MAP3K13: variants seen among roughly 807,000 people sequenced by gnomAD.
The protein encoded by MAP3K13 is leucine zipper-bearing kinase.
In MAP3K13, 52 loss-of-function variants were observed where a neutral mutation model predicts 104.0. That is an observed-to-expected ratio of 0.50 (90% CI 0.40 to 0.63). MAP3K13 has a LOEUF of 0.63. Among genes scored for constraint, MAP3K13 ranks in the 20% least tolerant of loss-of-function variants. The pLI is 0.00. For synonymous variants in MAP3K13, 394 were observed against 442.2 expected, an observed-to-expected ratio of 0.89 and a Z score of 1.37; for missense variants, 914 against 1,218.5, an observed-to-expected ratio of 0.75 and a Z score of 3.72.
In MAP3K13 at chr3:185,428,891, A is replaced by G; in HGVS notation, c.310A>G (p.Thr104Ala). The change falls in exon 2 of 14, where the codon ACG becomes GCG. Residue 104 changes from threonine (T) to alanine (A), a missense_variant. By Grantham distance (58) the Thr-to-Ala change is moderately conservative. Transcript: ENST00000265026. ...GGCGGTGTCTCAGGGGAACAGCAACACGGTGGACGGAGAGAGCACAAGCGG... is the reference window on the plus strand; with the variant it reads ...GGCGGTGTCTCAGGGGAACAGCAACGCGGTGGACGGAGAGAGCACAAGCGG... ...ETAVSQGNSN[T>A]VDGESTSGTE... 6.2e-7 allele frequency: 1 copy of G among 1,614,186 alleles called. No individual in the cohort carries two copies. Among genetic ancestry groups the G allele is most frequent in the Non-Finnish European group, 8.5e-7 (1 of 1,180,030 alleles).
rs537264280 is a variant in MAP3K13 at position 185,292,541 on chromosome 3, C to T, written c.-86+6898C>T. The T allele has an allele frequency of 9.7e-5, 52 of 535,410 alleles. No homozygotes were observed. In the South Asian group the frequency reaches 1.2e-3, roughly 12 times the overall value. 33.2% of individuals were successfully genotyped at this position (535,410 alleles called of 1,614,324 possible). A position where few individuals can be genotyped will look rare whatever the true frequency, so the allele number is the denominator to read the frequency against. On this transcript the variant is annotated intron_variant, in intron 2 of 14. Transcript: ENST00000424227. ...TAAAGTGAATCTAACATTTTCCCCC[C>T]GGCCTACCTCACAGGGTTGTTGTGA...
At chr3:185,465,674 TTCTTATTTCATCAAGCG>T in intron 8 of MAP3K13, 56 bp from the exon 9 acceptor site, 1 of 989,064 alleles carries the variant, frequency 1.0e-6, no homozygotes, top group East Asian at 2.4e-5. Flanking sequence ...ATCATCCTGT[TTCTTATTTCATCAAGCG>T]GACTTTTTTC....
chr3:185,468,542 C>G (rs1490446163), intron 10 of MAP3K13, among the ~76,000 whole-genome samples: 2 of 152,062 alleles, frequency 1.3e-5, no homozygotes, highest in Non-Finnish European at 1.5e-5. Flanking sequence ...AAGGAAGGTC[C>G]CTAAACCTAG....
intron 1 of MAP3K13, among the ~76,000 whole-genome samples, chr3:185,382,239 A>G (rs1394102676): frequency 3.9e-5 from 6 of 152,224 alleles, no homozygotes; most frequent in African/African-American, 1.4e-4. Context: ...ACATAGAAAA[A>G]TTATAACAAT....
In MAP3K13 at chr3:185,428,539, C is replaced by A. The variant is rs1280443077; in HGVS notation, c.-43C>A. On this transcript the variant is annotated 5_prime_UTR_variant, in exon 2 of 14. Coordinates refer to ENST00000265026, the MANE Select transcript of MAP3K13 (RefSeq NM_004721.5). ...TAAGTCAGAACTCTGTCCCAAAAAT[C>A]TTCTGAGTGTCATCTCAGGACTTTG... 2 of 1,520,618 alleles carry A rather than the reference C, an allele frequency of 1.3e-6. No individual in the cohort carries two copies. The highest frequency in any genetic ancestry group is 2.2e-5 in the Admixed American group (1 of 45,978). 94.2% of individuals were successfully genotyped at this position (1,520,618 alleles called of 1,614,324 possible). A position where few individuals can be genotyped will look rare whatever the true frequency, so the allele number is the denominator to read the frequency against.
At chr3:185,298,802 CA>C (rs537111856) in intron 2 of MAP3K13, among the ~76,000 whole-genome samples, 417 of 151,778 alleles carry the variant, frequency 2.7e-3, no homozygotes, top group Non-Finnish European at 4.6e-3. Context: ...ATAGTGAGGA[CA>C]AAAAAAACAT....
intron 2 of MAP3K13, among the ~76,000 whole-genome samples, chr3:185,335,496 A>T (rs1279807927): frequency 6.6e-6 from 1 of 152,144 alleles, no homozygotes; most frequent in East Asian, 1.9e-4. Context: ...CCCTAGTAAG[A>T]GGGGCAAAGA....
chr3:185,325,529 A>G (rs1340250359), intron 2 of MAP3K13, among the ~76,000 whole-genome samples: 1 of 152,142 alleles, frequency 6.6e-6, no homozygotes, highest in Non-Finnish European at 1.5e-5. Flanking sequence ...TCCTCCTCAT[A>G]GACTGCTACC....
In MAP3K13 at chr3:185,488,478, G is replaced by C. The variant is rs1249910038; in HGVS notation, c.*6022G>C. The C allele has an allele frequency of 1.3e-5, 2 of 152,292 alleles. No individual in the cohort carries two copies. Among genetic ancestry groups the C allele is most frequent in the African/African-American group, 2.4e-5 (1 of 41,458 alleles). The allele number at this position is 152,292 out of a possible 1,614,324, so 9.4% of individuals were successfully genotyped here. On this transcript the variant is annotated 3_prime_UTR_variant, in exon 14 of 14. Coordinates refer to ENST00000265026, the MANE Select transcript of MAP3K13 (RefSeq NM_004721.5). ...CAGGGACAGGTGGCTAAAGAGGGGA[G>C]CTCTAAAATCACTGCTCTGAGAAAC...
intron 2 of MAP3K13, among the ~76,000 whole-genome samples, chr3:185,309,094 G>T (rs1482806570): frequency 6.6e-6 from 1 of 152,126 alleles, no homozygotes; most frequent in Non-Finnish European, 1.5e-5. Flanking sequence ...ATCTTAACTT[G>T]ATTATATCTG....
chr3:185,362,141 A>T (rs537127222), upstream of MAP3K13, among the ~76,000 whole-genome samples: 62 of 152,198 alleles, frequency 4.1e-4, no homozygotes, highest in Non-Finnish European at 5.4e-4. Context: ...CTTTATATTA[A>T]CCACGATCGT....
intron 7 of MAP3K13, among the ~76,000 whole-genome samples, chr3:185,453,245 AT>A (rs1411427818): frequency 6.6e-6 from 1 of 152,148 alleles, no homozygotes; most frequent in African/African-American, 2.4e-5. Context: ...CTAATTTCTC[AT>A]TTCTCATATA....
At chr3:185,335,583 G>A (rs1351412659) in intron 2 of MAP3K13, among the ~76,000 whole-genome samples, 1 of 152,176 alleles carries the variant, frequency 6.6e-6, no homozygotes, top group African/African-American at 2.4e-5. Flanking sequence ...ATCGGTGGAG[G>A]ATTGGTTCCA....
intron 4 of MAP3K13, among the ~76,000 whole-genome samples, chr3:185,444,802 G>A (rs1055603422): frequency 6.6e-6 from 1 of 151,988 alleles, no homozygotes; most frequent in African/African-American, 2.4e-5. Flanking sequence ...GGGCAATATA[G>A]TGAAAACCCA....
At chr3:185,321,206 A>ATGCACACACATATGCG (rs1721855050) in intron 2 of MAP3K13, among the ~76,000 whole-genome samples, 1 of 149,854 alleles carries the variant, frequency 6.7e-6, no homozygotes, top group Non-Finnish European at 1.5e-5. Context: ...TTATATATGC[A>ATGCACACACATATGCG]TGCACACACA....
At chr3:185,374,107 A>G (rs1217893776) in intron 1 of MAP3K13, among the ~76,000 whole-genome samples, 2 of 149,566 alleles carry the variant, frequency 1.3e-5, no homozygotes, top group Non-Finnish European at 3.0e-5. Context: ...ACAAATCACA[A>G]TGGTGGAATG....
At chr3:185,381,119 C>T (rs150825054) in intron 1 of MAP3K13, among the ~76,000 whole-genome samples, 3 of 151,996 alleles carry the variant, frequency 2.0e-5, no homozygotes, top group South Asian at 4.2e-4. Context: ...TGTGCTACCA[C>T]GCCCGGCTAA....
intron 2 of MAP3K13, among the ~76,000 whole-genome samples, chr3:185,346,721 C>T (rs1466728750): frequency 6.6e-6 from 1 of 152,126 alleles, no homozygotes; most frequent in Non-Finnish European, 1.5e-5. Context: ...CCTACTGATA[C>T]CTATTGCCAA....
chr3:185,385,706 A>G (rs998858599), intron 1 of MAP3K13, among the ~76,000 whole-genome samples: 1 of 152,224 alleles, frequency 6.6e-6, no homozygotes. Context: ...ACAAAACATC[A>G]AAAAGTTAAT....
Sources: allele counts gnomAD v4.1 joint callset (sites outside exome capture counted in the v4.1 genomes callset), GRCh38; gene constraint gnomAD v4.1.1; transcripts MANE v1.5; gene names NCBI Gene and HGNC (gene_info 2026-07-23, HGNC 2026-07-21).